Variants in GALNT17 observed in about 807,000 individuals in gnomAD.
GALNT17 encodes the protein polypeptide N-acetylgalactosaminyltransferase 17.
A neutral mutation model predicts 63.7 loss-of-function variants in GALNT17; 29 were observed. The observed-to-expected ratio is 0.46, with a 90% CI of 0.34 to 0.62. The LOEUF (loss-of-function observed/expected upper bound fraction) is 0.62, where lower values mean the gene tolerates loss of function less well. Among genes scored for constraint, GALNT17 ranks in the 20% least tolerant of loss-of-function variants. GALNT17 has a pLI of 0.01. For missense variants in GALNT17, 603 were observed against 799.6 expected (o/e 0.75, Z 2.97); for synonymous variants, 305 against 318.3 (o/e 0.96, Z 0.45).
chr7:71,700,239 C>T (rs954291403), intron 9 of GALNT17, among the ~76,000 whole-genome samples: 10 of 150,322 alleles, frequency 6.7e-5, no homozygotes, highest in Admixed American at 1.3e-4. Context: ...GCCCAGGTGG[C>T]GGAGGTTGCA....
chr7:71,317,544 G>A (rs1791523024), intron 1 of GALNT17, among the ~76,000 whole-genome samples: 1 of 152,116 alleles, frequency 6.6e-6, no homozygotes. Flanking sequence ...TGCTAGCTTA[G>A]GATGTGAGCC....
intron 1 of GALNT17, among the ~76,000 whole-genome samples, chr7:71,140,876 C>G (rs1787875772): frequency 6.6e-6 from 1 of 152,022 alleles, no homozygotes; most frequent in African/African-American, 2.4e-5. Flanking sequence ...AAAAAATTAG[C>G]CAGACATTGT....
intron 1 of GALNT17, among the ~76,000 whole-genome samples, chr7:71,313,935 T>C (rs898439905): frequency 6.6e-6 from 1 of 152,170 alleles, no homozygotes; most frequent in African/African-American, 2.4e-5. Flanking sequence ...GGGGACGTTT[T>C]TGTCATGTGA....
intron 1 of GALNT17, among the ~76,000 whole-genome samples, chr7:71,230,418 A>G (rs1249966260): frequency 6.6e-6 from 1 of 152,184 alleles, no homozygotes; most frequent in Non-Finnish European, 1.5e-5. Flanking sequence ...CCCACGTTCA[A>G]GAAACAGGGA....
chr7:71,469,694 T>C (rs1037805706), intron 5 of GALNT17, among the ~76,000 whole-genome samples: 1 of 152,246 alleles, frequency 6.6e-6, no homozygotes, highest in East Asian at 1.9e-4. Flanking sequence ...CATCCAGTTC[T>C]GTTACAGCTC....
intron 7 of GALNT17, among the ~76,000 whole-genome samples, chr7:71,669,400 A>G (rs1791032917): frequency 6.6e-6 from 1 of 151,860 alleles, no homozygotes; most frequent in Non-Finnish European, 1.5e-5. Context: ...AATCCCAGCT[A>G]CTGGGGAGGC....
intron 6 of GALNT17, among the ~76,000 whole-genome samples, chr7:71,598,995 A>T (rs564585339): frequency 3.4e-4 from 51 of 152,216 alleles, no homozygotes; most frequent in Middle Eastern, 6.8e-3. Flanking sequence ...AGCAGGACTC[A>T]TAGGGGCCTC....
chr7:71,571,690 C>T (rs1789444867), intron 6 of GALNT17, among the ~76,000 whole-genome samples: 1 of 152,060 alleles, frequency 6.6e-6, no homozygotes, highest in Non-Finnish European at 1.5e-5. Flanking sequence ...TTGGTCTCTC[C>T]TTAAATTTTT....
At chr7:71,652,396 C>T (rs1159510921) in intron 6 of GALNT17, among the ~76,000 whole-genome samples, 1 of 152,076 alleles carries the variant, frequency 6.6e-6, no homozygotes, top group Non-Finnish European at 1.5e-5. Context: ...GCAACCGTCC[C>T]GTTTAGTGAA....
chr7:71,223,578 A>G (rs1390367116), intron 1 of GALNT17, among the ~76,000 whole-genome samples: 2 of 151,956 alleles, frequency 1.3e-5, no homozygotes, highest in Admixed American at 1.3e-4. Context: ...TTTTAGGTTC[A>G]GGGGTACATG....
chr7:71,702,685 G>A (rs1349006006), intron 9 of GALNT17, among the ~76,000 whole-genome samples: 1 of 152,166 alleles, frequency 6.6e-6, no homozygotes, highest in African/African-American at 2.4e-5. Context: ...GAGGCAAGGA[G>A]GGGGAACTGG....
At chr7:71,578,709 C>G (rs1789579350) in intron 6 of GALNT17, among the ~76,000 whole-genome samples, 1 of 152,136 alleles carries the variant, frequency 6.6e-6, no homozygotes, top group African/African-American at 2.4e-5. Context: ...ACAGCATTTC[C>G]CACTCCCACA....
intron 1 of GALNT17, among the ~76,000 whole-genome samples, chr7:71,163,871 C>T (rs1432037189): frequency 2.6e-5 from 4 of 152,176 alleles, no homozygotes; most frequent in African/African-American, 9.7e-5. Context: ...GGATTCAGCA[C>T]ATTTTAGAAT....
At chr7:71,651,635 T>C (rs1433528261) in intron 6 of GALNT17, among the ~76,000 whole-genome samples, 3 of 152,186 alleles carry the variant, frequency 2.0e-5, no homozygotes, top group Non-Finnish European at 4.4e-5. Flanking sequence ...AAAGCCCTGG[T>C]CCTCTATGAC....
chr7:71,237,789 T>G (rs1158952334), intron 1 of GALNT17, among the ~76,000 whole-genome samples: 1 of 152,154 alleles, frequency 6.6e-6, no homozygotes, highest in African/African-American at 2.4e-5. Context: ...AATAAGAGTT[T>G]TGGAACTTTT....
At chr7:71,436,730 A>C (rs1469370622) in intron 5 of GALNT17, among the ~76,000 whole-genome samples, 1 of 122,760 alleles carries the variant, frequency 8.1e-6, no homozygotes, top group Non-Finnish European at 2.0e-5. Context: ...AAAAAAAAAT[A>C]AAAAATAAAA....
intron 5 of GALNT17, among the ~76,000 whole-genome samples, chr7:71,528,723 A>G (rs1482557343): frequency 2.0e-5 from 3 of 152,196 alleles, no homozygotes; most frequent in African/African-American, 7.2e-5. Context: ...AGAAATCACC[A>G]CTAAAGAACT....
intron 8 of GALNT17, among the ~76,000 whole-genome samples, chr7:71,670,901 TGC>T (rs1554322035): frequency 6.7e-6 from 1 of 150,176 alleles, no homozygotes; most frequent in African/African-American, 2.5e-5. Flanking sequence ...TGTGTGTGTG[TGC>T]GTGTGTGTGT....
At chr7:71,568,415 A>G (rs933355999) in intron 5 of GALNT17, among the ~76,000 whole-genome samples, 2 of 152,214 alleles carry the variant, frequency 1.3e-5, no homozygotes, top group Admixed American at 1.3e-4. Context: ...TTGCAATAAC[A>G]ATACTAATTT....
Sources: gnomAD v4.1 joint callset for allele counts (sites outside exome capture counted in the v4.1 genomes callset) on GRCh38, gnomAD v4.1.1 for gene constraint, MANE v1.5 for transcripts, NCBI Gene and HGNC (gene_info 2026-07-23, HGNC 2026-07-21) for gene names.